SNX1: variants seen among roughly 807,000 people sequenced by gnomAD.
SNX1 encodes the protein sorting nexin 1, also known as sorting nexin-1.
A neutral mutation model predicts 71.8 loss-of-function variants in SNX1; 36 were observed. That is an observed-to-expected ratio of 0.50 (90% confidence interval 0.38 to 0.66). SNX1 has a LOEUF of 0.66. Ranked by LOEUF, SNX1 falls within the 30% of genes least tolerant of loss-of-function variation. The pLI, the probability that SNX1 is intolerant of heterozygous loss-of-function variation, is 0.00. For synonymous variants in SNX1, 254 were observed against 240.7 expected (o/e 1.06, Z -0.51); for missense variants, 612 against 646.7 (o/e 0.95, Z 0.58).
Position 64,136,388 on chromosome 15 carries a change from G to T in SNX1, c.1424G>T (p.Arg475Leu). The T allele has an allele frequency of 6.2e-7, 1 of 1,614,012 alleles. No homozygotes were observed. Among genetic ancestry groups the T allele is most frequent in the Non-Finnish European group, 8.5e-7 (1 of 1,179,860 alleles). Residue 475 changes from arginine to leucine, a missense_variant, in exon 13 of 15, where the codon CGA becomes CTA. Around this residue, in one of 2 missense-constraint regions of SNX1, gnomAD observed 296 missense variants for 361.9 expected, o/e 0.82. Coordinates refer to ENST00000559844, the MANE Select transcript of SNX1 (RefSeq NM_003099.5). Reference protein sequence around the residue: ...RDFERISTVVRKEVIRFEKEK... With the variant: ...RDFERISTVVLKEVIRFEKEK... ...TTCGAGAGGATTTCAACAGTGGTCCGAAAAGAAGTGATACGGTTTGAGGTG... is the reference window on the plus strand; with the variant it reads ...TTCGAGAGGATTTCAACAGTGGTCCTAAAAGAAGTGATACGGTTTGAGGTG...
At chr15:64,100,278 A>C (rs921335340) in intron 1 of SNX1, among the ~76,000 whole-genome samples, 2 of 152,202 alleles carry the variant, frequency 1.3e-5, no homozygotes, top group African/African-American at 4.8e-5. Context: ...TTACACATGC[A>C]TCTCAGAATC....
At chr15:64,132,016 T>A in intron 11 of SNX1, 124 bp downstream of exon 11, 4 of 964,244 alleles carry the variant, frequency 4.1e-6, no homozygotes, top group Non-Finnish European at 6.2e-6. Flanking sequence ...TTTCTACTTT[T>A]AAGAGGAAAG....
chr15:64,107,618 T>C (rs542706066), intron 1 of SNX1, among the ~76,000 whole-genome samples: 2 of 152,206 alleles, frequency 1.3e-5, no homozygotes, highest in Non-Finnish European at 2.9e-5. Flanking sequence ...CTGTATGCTC[T>C]TTTAATTATA....
intron 13 of SNX1, 50 bp from the exon 14 acceptor site, chr15:64,136,811 C>T (rs779245346): frequency 9.8e-6 from 14 of 1,434,552 alleles, no homozygotes; most frequent in East Asian, 6.8e-5. Context: ...ACCATCCCAT[C>T]GAAAGGGAAA....
At chr15:64,102,844 C>T (rs148327564) in intron 1 of SNX1, among the ~76,000 whole-genome samples, 1 of 142,470 alleles carries the variant, frequency 7.0e-6, no homozygotes, top group East Asian at 2.3e-4. Context: ...TCATGGCCCA[C>T]TTCCCTTGAC....
chr15:64,138,295 C>A lies in SNX1; in HGVS notation c.*677C>A. On this transcript the variant is annotated 3_prime_UTR_variant, in exon 15 of 15. Transcript: ENST00000559844. ...GCAAAATCTATTAAAACCTATTCTC[C>A]TGCAAAGGAGGCAGAGACTTTCTCT... is the stretch of plus-strand genomic sequence containing the variant. The A allele has an allele frequency of 8.5e-7, 1 of 1,169,816 alleles. No individual in the cohort carries two copies. The highest frequency in any genetic ancestry group is 1.1e-6 in the Non-Finnish European group (1 of 879,494). 72.5% of individuals were successfully genotyped at this position (1,169,816 alleles called of 1,614,324 possible).
At chr15:64,127,897 C>T (rs2081270341) in intron 8 of SNX1, 91 bp downstream of exon 8, 6 of 872,302 alleles carry the variant, frequency 6.9e-6, no homozygotes, top group Non-Finnish European at 1.1e-5. Context: ...GAGCACTTAA[C>T]ATGCCTAGTA....
At chr15:64,119,074 C>CA (rs776976822) in intron 4 of SNX1, among the ~76,000 whole-genome samples, 1 of 151,698 alleles carries the variant, frequency 6.6e-6, no homozygotes, top group Non-Finnish European at 1.5e-5. Context: ...GAAGAAAAAT[C>CA]AGAGTCATCA....
At chr15:64,113,705 C>T (rs2081100551) in intron 2 of SNX1, among the ~76,000 whole-genome samples, 1 of 152,070 alleles carries the variant, frequency 6.6e-6, no homozygotes, top group Non-Finnish European at 1.5e-5. Flanking sequence ...CCTGTGCTCC[C>T]AGCTACTCAG....
At chr15:64,132,759 G>T (rs1332719782) in intron 11 of SNX1, among the ~76,000 whole-genome samples, 1 of 152,326 alleles carries the variant, frequency 6.6e-6, no homozygotes, top group African/African-American at 2.4e-5. Flanking sequence ...TGTGCGTTGT[G>T]TCAGGAGCTG....
Position 64,141,033 on chromosome 15 carries a change from T to TAG in SNX1, c.*3416_*3417insGA, listed in dbSNP as rs1555494240. ...GATAGATAGATAGATAGATGATAGA[T>TAG]ATAGATAGATAGATAGATTGATTGA... On this transcript the variant is annotated 3_prime_UTR_variant, in exon 15 of 15. Coordinates refer to ENST00000559844, the MANE Select transcript of SNX1 (RefSeq NM_003099.5). The surrounding 1 kb of genome is among the most constrained non-coding windows in gnomAD (Gnocchi z 5.1). 1.5e-4 allele frequency: 18 copies of TAG among 116,644 alleles called. No homozygotes were observed. Among genetic ancestry groups the TAG allele is most frequent in the African/African-American group, 5.5e-4 (15 of 27,502 alleles). The allele number at this position is 116,644 out of a possible 1,614,324, so 7.2% of individuals were successfully genotyped here. A position where few individuals can be genotyped will look rare whatever the true frequency, so the allele number is the denominator to read the frequency against.
At chr15:64,118,077 C>G in intron 2 of SNX1, 40 bp from the exon 3 acceptor site, 1 of 1,601,926 alleles carries the variant, frequency 6.2e-7, no homozygotes, top group Non-Finnish European at 8.5e-7. Flanking sequence ...TTCAAAGACT[C>G]ATTACTGACC....
chr15:64,128,618 C>G (rs2081276863), intron 8 of SNX1, among the ~76,000 whole-genome samples: 1 of 152,136 alleles, frequency 6.6e-6, no homozygotes. Context: ...GGGTTTTCTC[C>G]TCTAAAATGA....
intron 2 of SNX1, chr15:64,115,734 C>T (rs185117370): frequency 1.1e-3 from 186 of 164,772 alleles, no homozygotes; most frequent in African/African-American, 4.1e-3. Flanking sequence ...TGTTAATATT[C>T]GCATGTTTGT....
chr15:64,120,398 G>C (rs1247564442), intron 4 of SNX1, among the ~76,000 whole-genome samples: 1 of 150,522 alleles, frequency 6.6e-6, no homozygotes, highest in African/African-American at 2.4e-5. Flanking sequence ...TCAGCCTCCT[G>C]AGTAGCTGGG....
intron 2 of SNX1, among the ~76,000 whole-genome samples, chr15:64,117,335 A>G (rs1044251593): frequency 1.3e-5 from 2 of 151,872 alleles, no homozygotes; most frequent in Admixed American, 6.6e-5. Context: ...GCTCACTGCA[A>G]CCTCTGCCTC....
intron 1 of SNX1, among the ~76,000 whole-genome samples, chr15:64,105,569 A>T (rs1218709917): frequency 6.6e-6 from 1 of 152,192 alleles, no homozygotes; most frequent in Non-Finnish European, 1.5e-5. Context: ...CTGGAGCTTC[A>T]TTCTGCTTTC....
intron 1 of SNX1, among the ~76,000 whole-genome samples, chr15:64,110,076 A>G: frequency 6.6e-6 from 1 of 152,216 alleles, no homozygotes; most frequent in East Asian, 1.9e-4. Context: ...TGATTATGTC[A>G]TATATCCATA....
At chr15:64,102,915 T>C (rs2080979929) in intron 1 of SNX1, among the ~76,000 whole-genome samples, 2 of 151,846 alleles carry the variant, frequency 1.3e-5, no homozygotes, top group South Asian at 4.2e-4. Context: ...TACAGGTGCA[T>C]GCCACCATGC....
Sources: gnomAD v4.1 joint callset for allele counts (sites outside exome capture counted in the v4.1 genomes callset) on GRCh38, gnomAD v4.1.1 for gene constraint, gnomAD v4.1.1 regional missense constraint, Gnocchi (gnomAD v3.1) non-coding constraint, MANE v1.5 for transcripts, NCBI Gene and HGNC (gene_info 2026-07-23, HGNC 2026-07-21) for gene names.